Variants in CLUL1 observed in about 807,000 individuals in gnomAD.
CLUL1 encodes the protein clusterin-like protein 1.
CLUL1 carries 43 observed loss-of-function variants against 49.4 expected under a neutral mutation model. That is an observed-to-expected ratio of 0.87 (90% CI 0.68 to 1.12). The LOEUF is 1.12. Among genes scored for constraint, CLUL1 ranks in the 50% most tolerant of loss-of-function variants. The pLI is 0.00. For missense variants in CLUL1, 486 were observed against 544.4 expected, an observed-to-expected ratio of 0.89 and a Z score of 1.07; for synonymous variants, 192 against 184.9, an observed-to-expected ratio of 1.04 and a Z score of -0.31.
At chr18:644,729 C>A (rs550861883) in intron 8 of CLUL1, among the ~76,000 whole-genome samples, 181 bp from the exon 9 acceptor site, 3 of 152,214 alleles carry the variant, frequency 2.0e-5, no homozygotes, top group Non-Finnish European at 4.4e-5. Flanking sequence ...GTGTGGAGCC[C>A]TTGTAATGGA....
At chr18:642,793 C>T (rs2074380545) in intron 8 of CLUL1, among the ~76,000 whole-genome samples, 1 of 152,216 alleles carries the variant, frequency 6.6e-6, no homozygotes, top group South Asian at 2.1e-4. Context: ...ATCTCTGAAA[C>T]TTTCTCCCAA....
rs1598409601 is a variant in CLUL1, at chr18:606,934, C to T, written c.-135-44C>T. ...ATAGAATATTTGTAATAATTTTAGG[C>T]GGCTCCCTAAAATTTCTTTTCTTTT... is the stretch of plus-strand genomic sequence containing the variant. On this transcript the variant is annotated intron_variant, in intron 1 of 9. Coordinates refer to ENST00000692774, the MANE Select transcript of CLUL1 (RefSeq NM_001393344.1). This position sits in a 1 kb window ranked among gnomAD's most constrained non-coding sequence, Gnocchi z 4.1. 12 of 587,630 alleles carry T rather than the reference C, an allele frequency of 2.0e-5. No individual in the cohort carries two copies. The highest frequency in any genetic ancestry group is 4.5e-4 in the Middle Eastern group (1 of 2,236). The allele number at this position is 587,630 out of a possible 1,614,324, so 36.4% of individuals were successfully genotyped here.
chr18:598,242 T>C (rs2072714242), intron 1 of CLUL1: 3 of 276,964 alleles, frequency 1.1e-5, no homozygotes, highest in Admixed American at 5.3e-5. Flanking sequence ...TGAACTACCA[T>C]GGGAAATGAA....
chr18:603,054 A>T (rs2072875594), intron 1 of CLUL1, among the ~76,000 whole-genome samples: 1 of 152,190 alleles, frequency 6.6e-6, no homozygotes, highest in Admixed American at 6.5e-5. Flanking sequence ...CTCTGACTGA[A>T]CTTTATTCTG....
chr18:642,330 G>T (rs2074367116), intron 8 of CLUL1, among the ~76,000 whole-genome samples: 1 of 152,144 alleles, frequency 6.6e-6, no homozygotes, highest in Non-Finnish European at 1.5e-5. Context: ...TACTCAGGAG[G>T]CTGAGGCAGG....
At chr18:627,701 C>T (rs541787) in intron 6 of CLUL1, 172 bp downstream of exon 6, 520,204 of 529,812 alleles carry the variant, frequency 0.98, 256,002 homozygotes, top group East Asian at 1. Flanking sequence ...TGCTAAACAC[C>T]ATCCCTCTTC....
chr18:636,965 GTT>G (rs969455694), intron 7 of CLUL1, among the ~76,000 whole-genome samples: 4 of 145,234 alleles, frequency 2.8e-5, no homozygotes, highest in African/African-American at 7.9e-5. Flanking sequence ...TGGGTTCTTT[GTT>G]TTTTTTGTTT....
At chr18:621,780 T>C (rs2073493958) in intron 4 of CLUL1, among the ~76,000 whole-genome samples, 1 of 152,212 alleles carries the variant, frequency 6.6e-6, no homozygotes, top group Admixed American at 6.5e-5. Flanking sequence ...AGTCAGCAGA[T>C]GTGTGCACGG....
intron 7 of CLUL1, among the ~76,000 whole-genome samples, chr18:635,114 T>C (rs1163404301): frequency 6.6e-6 from 1 of 152,068 alleles, no homozygotes; most frequent in Non-Finnish European, 1.5e-5. Flanking sequence ...GTTGAGTAAT[T>C]TGTAAATAAA....
chr18:602,622 C>G (rs2072863896), intron 1 of CLUL1, among the ~76,000 whole-genome samples: 1 of 151,984 alleles, frequency 6.6e-6, no homozygotes, highest in Non-Finnish European at 1.5e-5. Context: ...GACCCTGATT[C>G]AATAGGAAAA....
chr18:606,872 C>A lies in CLUL1; in HGVS notation c.-135-106C>A. ...CACCAGCACCCCCCACAAGGCAAGG[C>A]CAGTTCACCCTCAGTGCTCACTACT... On this transcript the variant is annotated intron_variant, in intron 1 of 9. Transcript: ENST00000692774. This position sits in a 1 kb window ranked among gnomAD's most constrained non-coding sequence, Gnocchi z 4.1. 1 of 521,804 alleles carries A rather than the reference C, an allele frequency of 1.9e-6. No homozygotes were observed. Among genetic ancestry groups the A allele is most frequent in the East Asian group, 2.9e-5 (1 of 34,128 alleles). 32.3% of individuals were successfully genotyped at this position (521,804 alleles called of 1,614,324 possible).
rs181810659 is a variant in CLUL1, at chr18:611,042, G to A, written c.-14+3943G>A. Among the ~76,000 whole-genome samples the A allele has an allele frequency of 4.6e-3, 705 of 152,058 alleles. 5 individuals are homozygous for A. Among genetic ancestry groups the A allele is most frequent in the Non-Finnish European group, 6.6e-3 (447 of 67,972 alleles). On this transcript the variant is annotated intron_variant, in intron 2 of 9. Transcript: ENST00000692774. Reference sequence around the variant, plus strand: ...GCTCCTCCCAGATCACCTTCTGGCCGGTCCCAAGTCCACTTCCCATGCTCC... The same window carrying A: ...GCTCCTCCCAGATCACCTTCTGGCCAGTCCCAAGTCCACTTCCCATGCTCC...
chr18:630,384 CAGGCATGAGCCAT>C (rs138374304), intron 6 of CLUL1, among the ~76,000 whole-genome samples: 14,686 of 152,156 alleles, frequency 0.097, 933 homozygotes, highest in African/African-American at 0.17. Flanking sequence ...GCTGGGATTA[CAGGCATGAGCCAT>C]CATGCCCGGC....
chr18:647,681 G>A (rs1332974279), intron 9 of CLUL1, among the ~76,000 whole-genome samples: 1 of 152,170 alleles, frequency 6.6e-6, no homozygotes, highest in Non-Finnish European at 1.5e-5. Flanking sequence ...CAGTCCCCAT[G>A]TAGTACCCCT....
intron 9 of CLUL1, 97 bp downstream of exon 9, chr18:645,194 G>GT (rs1002372104): frequency 8.9e-6 from 8 of 895,826 alleles, no homozygotes; most frequent in Non-Finnish European, 1.1e-5. Context: ...TGGAAAACAT[G>GT]TTTAACCTCA....
rs957694896 is a variant in CLUL1, at chr18:606,983, C to T, written c.-130C>T. The T allele has an allele frequency of 3.1e-5, 20 of 643,734 alleles. No individual in the cohort carries two copies. The highest frequency in any genetic ancestry group is 5.5e-5 in the East Asian group (2 of 36,670). 39.9% of individuals were successfully genotyped at this position (643,734 alleles called of 1,614,324 possible). On this transcript the variant is annotated 5_prime_UTR_variant, in exon 2 of 10. Transcript: ENST00000692774. This position sits in a 1 kb window ranked among gnomAD's most constrained non-coding sequence, Gnocchi z 4.1. ...TTTTCTTTTCTTTTCTTTAGAGTTGCGTCCCTCTCGGTTGCCAGGCTGGAG... is the reference window on the plus strand; with the variant it reads ...TTTTCTTTTCTTTTCTTTAGAGTTGTGTCCCTCTCGGTTGCCAGGCTGGAG...
intron 2 of CLUL1, among the ~76,000 whole-genome samples, chr18:607,616 CG>C (rs113470860): frequency 3.0e-4 from 46 of 151,974 alleles, no homozygotes; most frequent in African/African-American, 1.1e-3. Context: ...TTTGTAGAGA[CG>C]GGGTCTCACC....
At chr18:604,713 C>T (rs531580396) in intron 1 of CLUL1, among the ~76,000 whole-genome samples, 44 of 152,210 alleles carry the variant, frequency 2.9e-4, no homozygotes, top group South Asian at 6.2e-4. Flanking sequence ...ATCTTATGAC[C>T]AGGAAGAACT....
chr18:633,397 A>G lies in CLUL1; in HGVS notation c.956A>G (p.His319Arg). The G allele has an allele frequency of 1.2e-6, 2 of 1,614,050 alleles. No individual in the cohort carries two copies. The highest frequency in any genetic ancestry group is 2.2e-5 in the South Asian group (2 of 91,078). Residue 319 changes from histidine to arginine, a missense_variant, in exon 7 of 10, where the codon CAT becomes CGT. Coordinates refer to ENST00000692774, the MANE Select transcript of CLUL1 (RefSeq NM_001393344.1). ...DQNLSRCFKF[H>R]EKCQKCQAHL... ...AATTTGTCAAGATGTTTCAAATTTC[A>G]TGAAAAATGCCAAAAATGTCAGGCT...
Sources: gnomAD v4.1 joint callset for allele counts (sites outside exome capture counted in the v4.1 genomes callset) on GRCh38, gnomAD v4.1.1 for gene constraint, Gnocchi (gnomAD v3.1) non-coding constraint, MANE v1.5 for transcripts, NCBI Gene and HGNC (gene_info 2026-07-23, HGNC 2026-07-21) for gene names.